The following GTF3C2 variants were observed in gnomAD, a reference collection of about 807,000 sequenced individuals.
GTF3C2 encodes the protein general transcription factor 3C polypeptide 2.
Under a neutral mutation model 117.4 loss-of-function variants are expected in GTF3C2, and 17 were observed. The ratio of observed to expected loss-of-function variants is 0.14; its 90% CI spans 0.10 to 0.22. The LOEUF (loss-of-function observed/expected upper bound fraction) is 0.22, where lower values mean the gene tolerates loss of function less well. GTF3C2 is among the 10% of genes least tolerant of loss of function. The probability of loss-of-function intolerance (pLI) is 1.00; values close to 1 mark genes in which losing one functional copy is unlikely to be tolerated. For missense variants in GTF3C2, 888 were observed against 1,143.6 expected (o/e 0.78, Z 3.22); for synonymous variants, 437 against 427.0 (o/e 1.02, Z -0.29).
At chr2:27,352,375 G>A (rs778767868) in intron 1 of GTF3C2, among the ~76,000 whole-genome samples, 22 of 152,286 alleles carry the variant, frequency 1.4e-4, no homozygotes, top group Middle Eastern at 6.8e-3. Context: ...CAAAACCAAA[G>A]CCGTTAGGTG....
exon 3 of GTF3C2, chr2:27,342,835 G>A: frequency 1.2e-6 from 2 of 1,612,368 alleles, no homozygotes; most frequent in Non-Finnish European, 1.7e-6. Context: ...CACTTGGGCA[G>A]CCCTTCGGCG....
exon 12 of GTF3C2, chr2:27,333,755 C>A (rs546864555): frequency 6.2e-7 from 1 of 1,606,928 alleles, no homozygotes; most frequent in South Asian, 1.1e-5. Context: ...CTTGCATAGA[C>A]CCCACCTGCA....
At chr2:27,327,624 CTTTTT>C (rs918684500) in intron 17 of GTF3C2, among the ~76,000 whole-genome samples, 18 of 92,572 alleles carry the variant, frequency 1.9e-4, no homozygotes, top group African/African-American at 9.6e-4. Flanking sequence ...ACGCCTGGCC[CTTTTT>C]TTTTTTTTTT....
chr2:27,339,156 C>T (rs1227319524), intron 4 of GTF3C2, among the ~76,000 whole-genome samples: 1 of 152,008 alleles, frequency 6.6e-6, no homozygotes, highest in South Asian at 2.1e-4. Context: ...TGCCTGTAAT[C>T]CCAGCACTTT....
intron 12 of GTF3C2, 113 bp downstream of exon 12, chr2:27,333,538 TTGAA>T (rs1010425347): frequency 2.0e-5 from 13 of 647,394 alleles, no homozygotes; most frequent in Non-Finnish European, 3.2e-5. Flanking sequence ...TTTACATTGC[TTGAA>T]TATTTCTAAC....
chr2:27,341,748 A>G, intron 4 of GTF3C2, 200 bp downstream of exon 4: 1 of 579,272 alleles, frequency 1.7e-6, no homozygotes, highest in Non-Finnish European at 3.1e-6. Context: ...TCAATATATG[A>G]ATGAATAATC....
In GTF3C2 at chr2:27,333,507, ATTTC is replaced by A. The variant is rs559798344; in HGVS notation, c.1732+144_1732+147del. The A allele has an allele frequency of 3.0e-3, 1,808 of 611,668 alleles. 10 individuals are homozygous for A. The highest frequency in any genetic ancestry group is 0.015 in the African/African-American group (797 of 53,252). The allele number at this position is 611,668 out of a possible 1,614,324, so 37.9% of individuals were successfully genotyped here. On this transcript the variant is annotated intron_variant, in intron 12 of 18. Coordinates refer to ENST00000264720, the Ensembl canonical transcript of GTF3C2. ...CTGAGTAGAAATAGTCTAGTGACTT[ATTTC>A]TTTCTATTTTTTTTTTTTTACATTG...
chr2:27,327,128 C>G (rs773296313), intron 18 of GTF3C2, 49 bp downstream of exon 18: 13 of 1,040,018 alleles, frequency 1.2e-5, no homozygotes, highest in Non-Finnish European at 1.9e-5. Flanking sequence ...GCCCCAGGCC[C>G]AGAACTGGGG....
In GTF3C2 at chr2:27,329,450, C is replaced by T; in HGVS notation, c.1806G>A (p.Lys602=). 2 of 1,614,068 alleles carry T rather than the reference C, an allele frequency of 1.2e-6. No homozygotes were observed. Among genetic ancestry groups the T allele is most frequent in the Non-Finnish European group, 8.5e-7 (1 of 1,179,974 alleles). The stretch of plus-strand genomic sequence containing the variant: ...CTAGGAAACACTGGAAGGGGTAGAG[C>T]TTTAAGGAGCCATCAGAGAGCCGTA... Residue 602 remains lysine, a synonymous_variant, in exon 13 of 19, where the codon AAG becomes AAA. Transcript: ENST00000264720. This position sits in a 1 kb window ranked among gnomAD's most constrained non-coding sequence, Gnocchi z 4.5.
intron 4 of GTF3C2, 169 bp downstream of exon 4, chr2:27,341,779 T>TC: frequency 1.7e-6 from 1 of 602,654 alleles, no homozygotes; most frequent in Admixed American, 3.0e-5. Flanking sequence ...TACCCCTTCT[T>TC]CTGCGCTCTC....
At position 27,328,464 on chromosome 2, in the gene GTF3C2, G is replaced by A. The variant is rs781358809; in HGVS notation, c.2256+4C>T. On this transcript the variant is annotated splice_donor_region_variant and intron_variant, in intron 16 of 18. Coordinates refer to ENST00000264720, the Ensembl canonical transcript of GTF3C2. ...CAGCTGCTGTTAGATGTTCGTATAC[G>A]TACAAATCTTCGCTCTACAGGTCGC... 18 of 1,613,904 alleles carry A rather than the reference G, an allele frequency of 1.1e-5. No homozygotes were observed. Among genetic ancestry groups the A allele is most frequent in the South Asian group, 7.7e-5 (7 of 91,064 alleles).
intron 1 of GTF3C2, among the ~76,000 whole-genome samples, chr2:27,353,160 T>A (rs1681194684): frequency 6.6e-6 from 1 of 152,156 alleles, no homozygotes; most frequent in Admixed American, 6.5e-5. Flanking sequence ...TTTGGGAGAC[T>A]GAGGTGAGCA....
chr2:27,330,384 C>A (rs1347973624), intron 12 of GTF3C2, among the ~76,000 whole-genome samples: 1 of 151,550 alleles, frequency 6.6e-6, no homozygotes, highest in Non-Finnish European at 1.5e-5. Flanking sequence ...ATCACTTGAA[C>A]CCAGGAAGCA....
intron 1 of GTF3C2, chr2:27,356,527 C>G (rs911646683): frequency 8.8e-6 from 2 of 226,254 alleles, no homozygotes; most frequent in Non-Finnish European, 1.9e-5. Flanking sequence ...AGACCCGAGG[C>G]TTGCAGAGAT....
intron 1 of GTF3C2, among the ~76,000 whole-genome samples, chr2:27,351,344 G>T (rs1460811176): frequency 6.6e-6 from 1 of 152,274 alleles, no homozygotes; most frequent in Admixed American, 6.5e-5. Flanking sequence ...AACCTGGAAG[G>T]TGGAGGCTGC....
rs918684500 is a variant in GTF3C2 at position 27,327,624 on chromosome 2, CTT to C, written c.2410-342_2410-341del. 4.4e-3 allele frequency among the ~76,000 whole-genome samples: 407 copies of C among 92,570 alleles called. 3 individuals carry two copies. Among genetic ancestry groups the C allele is most frequent in the African/African-American group, 0.02 (352 of 17,746 alleles). The allele number at this position is 92,570 out of a possible 152,430, so 60.7% of individuals were successfully genotyped here. A position where few individuals can be genotyped will look rare whatever the true frequency, so the allele number is the denominator to read the frequency against. ...CAGGTGTGAGCCACTACGCCTGGCC[CTT>C]TTTTTTTTTTTTTTTTTTTTGAGAC... On this transcript the variant is annotated intron_variant, in intron 17 of 18. Transcript: ENST00000264720.
At chr2:27,328,804 T>C (rs1323853769) in intron 15 of GTF3C2, 40 bp downstream of exon 15, 1 of 1,451,226 alleles carries the variant, frequency 6.9e-7, no homozygotes, top group African/African-American at 1.4e-5. Flanking sequence ...ATGAGCCATT[T>C]TCCTTTGTAA....
Position 27,349,393 on chromosome 2 carries a change from C to A in GTF3C2, c.-24-5815G>T, listed in dbSNP as rs10203609. On this transcript the variant is annotated intron_variant, in intron 1 of 18. Coordinates refer to ENST00000264720, the Ensembl canonical transcript of GTF3C2. ...CGATCTCCTGACCTCGTGATCCGCC[C>A]GCCGCGGCCTCCCAAAGTGCTGGGA... 4.2e-5 allele frequency among the ~76,000 whole-genome samples: 6 copies of A among 142,220 alleles called. No individual in the cohort carries two copies. The East Asian group carries it at 6.4e-4, about 15-fold the overall frequency. 93.3% of individuals were successfully genotyped at this position (142,220 alleles called of 152,430 possible). A position where few individuals can be genotyped will look rare whatever the true frequency, so the allele number is the denominator to read the frequency against.
intron 1 of GTF3C2, 115 bp from the exon 2 acceptor site, chr2:27,343,693 T>C (rs1259956273): frequency 7.6e-6 from 6 of 794,294 alleles, no homozygotes; most frequent in Non-Finnish European, 1.2e-5. Context: ...GTTCCCTGAT[T>C]ATTCACTTAT....
Sources: gnomAD v4.1 joint callset for allele counts (sites outside exome capture counted in the v4.1 genomes callset) on GRCh38, gnomAD v4.1.1 for gene constraint, Gnocchi (gnomAD v3.1) non-coding constraint, MANE v1.5 for transcripts, NCBI Gene and HGNC (gene_info 2026-07-23, HGNC 2026-07-21) for gene names.